Variants in ITGA8 observed in about 807,000 individuals in gnomAD.
The protein encoded by ITGA8 is integrin subunit alpha 8, also known as integrin alpha-8.
ITGA8 carries 91 observed loss-of-function variants against 142.3 expected under a neutral mutation model. That is an observed-to-expected ratio of 0.64 (90% CI 0.54 to 0.76). The LOEUF (loss-of-function observed/expected upper bound fraction) is 0.76, where lower values mean the gene tolerates loss of function less well. ITGA8 is among the 30% of genes least tolerant of loss of function. The pLI is 0.00. For synonymous variants in ITGA8, 505 were observed against 485.2 expected (o/e 1.04, Z -0.54); for missense variants, 1,406 against 1,327.7 (o/e 1.06, Z -0.92).
intron 28 of ITGA8, among the ~76,000 whole-genome samples, chr10:15,529,669 C>G (rs1833252108): frequency 6.6e-6 from 1 of 152,178 alleles, no homozygotes; most frequent in African/African-American, 2.4e-5. Context: ...GATGCATACT[C>G]AGGGTAGAGA....
At chr10:15,677,723 C>T in intron 5 of ITGA8, 86 bp from the exon 6 acceptor site, 2 of 1,326,642 alleles carry the variant, frequency 1.5e-6, no homozygotes, top group East Asian at 2.4e-5. Flanking sequence ...TGTTAATAAG[C>T]ATTGCTCTAA....
intron 8 of ITGA8, among the ~76,000 whole-genome samples, chr10:15,666,023 C>T (rs1406563373): frequency 6.6e-6 from 1 of 152,192 alleles, no homozygotes; most frequent in African/African-American, 2.4e-5. Context: ...TCCATACGAA[C>T]TTTAAAGTAG....
chr10:15,630,931 G>A (rs1445504174), intron 13 of ITGA8, among the ~76,000 whole-genome samples: 2 of 151,964 alleles, frequency 1.3e-5, no homozygotes, highest in Non-Finnish European at 2.9e-5. Flanking sequence ...GTGATGCTGA[G>A]CTTTTTTTCA....
At chr10:15,594,511 A>G (rs1001650268) in intron 21 of ITGA8, among the ~76,000 whole-genome samples, 7 of 152,034 alleles carry the variant, frequency 4.6e-5, no homozygotes, top group African/African-American at 1.7e-4. Flanking sequence ...GCTGGGCGTG[A>G]GGGTGGCTCA....
chr10:15,572,077 G>A, intron 25 of ITGA8, 134 bp downstream of exon 25: 1 of 598,806 alleles, frequency 1.7e-6, no homozygotes, highest in Non-Finnish European at 2.7e-6. Flanking sequence ...ACTATAAAAT[G>A]AAAAGTTCTG....
chr10:15,528,961 T>A (rs781445548), intron 28 of ITGA8, among the ~76,000 whole-genome samples: 4 of 151,628 alleles, frequency 2.6e-5, no homozygotes, highest in Non-Finnish European at 5.9e-5. Context: ...TTCCTTCCTT[T>A]CCTTCCTTCT....
intron 2 of ITGA8, among the ~76,000 whole-genome samples, chr10:15,700,806 C>T (rs1480286414): frequency 1.3e-5 from 2 of 152,112 alleles, no homozygotes; most frequent in Non-Finnish European, 2.9e-5. Context: ...AGCCCTAAGC[C>T]ACCAGTTCTG....
intron 10 of ITGA8, 26 bp from the exon 11 acceptor site, chr10:15,655,432 AT>A: frequency 1.3e-6 from 2 of 1,561,178 alleles, no homozygotes; most frequent in Non-Finnish European, 8.8e-7. Context: ...AGGAGATGAC[AT>A]TTTGTGTCCA....
Position 15,671,609 on chromosome 10 carries a change from G to C in ITGA8, c.841C>G (p.Gln281Glu). The change falls in exon 8 of 30, where the codon CAG (glutamine) becomes GAG (glutamate). Residue 281 changes from glutamine to glutamate, a missense_variant. Coordinates refer to ENST00000378076, the MANE Select transcript of ITGA8 (RefSeq NM_003638.3). ...VAAGEFTGDS[Q>E]QELVAGIPRG... ...ACTCAACAGTGCCTCTCACCTTGCT[G>C]AGAATCCCCAGTAAACTCCCCAGCA... 2 of 1,612,556 alleles carry C rather than the reference G, an allele frequency of 1.2e-6. No individual in the cohort carries two copies. The highest frequency in any genetic ancestry group is 1.7e-6 in the Non-Finnish European group (2 of 1,178,730).
At chr10:15,705,027 C>T (rs1835232537) in intron 2 of ITGA8, among the ~76,000 whole-genome samples, 1 of 151,682 alleles carries the variant, frequency 6.6e-6, no homozygotes, top group Admixed American at 6.6e-5. Flanking sequence ...TTAAAGTCAC[C>T]ATTCCCAATG....
At chr10:15,647,453 T>C (rs1834003194) in intron 11 of ITGA8, among the ~76,000 whole-genome samples, 1 of 138,294 alleles carries the variant, frequency 7.2e-6, no homozygotes, top group Admixed American at 7.2e-5. Flanking sequence ...TATTCAGTTT[T>C]TTTTTTTTTT....
chr10:15,644,041 T>G lies in ITGA8; in HGVS notation c.1388A>C (p.Asn463Thr), dbSNP rs776927869. Reference protein sequence around the residue: ...TLRGDSDIDKNDYPDLIVGAF... With the variant: ...TLRGDSDIDKTDYPDLIVGAF... Reference sequence around the variant, plus strand: ...AAAGAAAACCTTACCTGGGTAATCATTCTTGTCTATGTCTGAATCTCCTCT... The same window carrying G: ...AAAGAAAACCTTACCTGGGTAATCAGTCTTGTCTATGTCTGAATCTCCTCT... The change falls in exon 13 of 30, where the codon AAT becomes ACT. Residue 463 changes from asparagine to threonine, a missense_variant. Asn to Thr is a moderately conservative substitution (Grantham distance 65). Transcript: ENST00000378076. 1.9e-5 allele frequency: 31 copies of G among 1,613,038 alleles called. No individual in the cohort carries two copies. In the East Asian group the frequency reaches 6.9e-4, roughly 36 times the overall value.
chr10:15,705,127 T>C (rs1249531433), intron 2 of ITGA8, among the ~76,000 whole-genome samples: 1 of 152,196 alleles, frequency 6.6e-6, no homozygotes, highest in Non-Finnish European at 1.5e-5. Context: ...AATTATTCTA[T>C]GGGAGATCTT....
intron 2 of ITGA8, among the ~76,000 whole-genome samples, chr10:15,716,670 ATTTTTT>A (rs796458374): frequency 1.0e-4 from 14 of 135,082 alleles, no homozygotes; most frequent in African/African-American, 3.9e-4. Flanking sequence ...AACCTATTGT[ATTTTTT>A]TTTTTTTTTT....
chr10:15,568,061 A>C (rs1252515218), intron 25 of ITGA8, among the ~76,000 whole-genome samples: 1 of 152,100 alleles, frequency 6.6e-6, no homozygotes, highest in African/African-American at 2.4e-5. Context: ...TCCAGGGACT[A>C]CAGGCATGTG....
At chr10:15,660,337 T>G (rs991407890) in intron 9 of ITGA8, among the ~76,000 whole-genome samples, 1 of 152,186 alleles carries the variant, frequency 6.6e-6, no homozygotes, top group Non-Finnish European at 1.5e-5. Flanking sequence ...TTGCACTAGG[T>G]CTCATCAGTT....
chr10:15,554,692 T>C (rs1215613809), intron 26 of ITGA8, among the ~76,000 whole-genome samples: 1 of 151,942 alleles, frequency 6.6e-6, no homozygotes, highest in Non-Finnish European at 1.5e-5. Flanking sequence ...TCCCTCCTAC[T>C]GTCATTACAT....
chr10:15,550,909 G>A (rs1833782821), intron 26 of ITGA8, among the ~76,000 whole-genome samples: 1 of 152,084 alleles, frequency 6.6e-6, no homozygotes, highest in Admixed American at 6.6e-5. Flanking sequence ...CCCCTGGTGA[G>A]TGATGCTGAG....
intron 2 of ITGA8, among the ~76,000 whole-genome samples, chr10:15,691,535 A>T (rs555300196): frequency 1.3e-5 from 2 of 152,334 alleles, no homozygotes; most frequent in African/African-American, 4.8e-5. Context: ...ATTTGCTACA[A>T]CATGGATGAA....
Sources: gnomAD v4.1 joint callset for allele counts (sites outside exome capture counted in the v4.1 genomes callset) on GRCh38, gnomAD v4.1.1 for gene constraint, MANE v1.5 for transcripts, NCBI Gene and HGNC (gene_info 2026-07-23, HGNC 2026-07-21) for gene names.